Variants in PIGG observed in about 807,000 individuals in gnomAD.
PIGG encodes phosphatidylinositol glycan anchor biosynthesis class G (EMM blood group).
A neutral mutation model predicts 83.2 loss-of-function variants in PIGG; 70 were observed. That is an observed-to-expected ratio of 0.84 (90% CI 0.69 to 1.03). The LOEUF (loss-of-function observed/expected upper bound fraction) is 1.03. Among genes scored for constraint, PIGG ranks in the 50% least tolerant of loss-of-function variants. The pLI is 0.00. For synonymous variants in PIGG, 532 were observed against 519.5 expected (o/e 1.02, Z -0.33); for missense variants, 1,257 against 1,233.6 (o/e 1.02, Z -0.28).
rs1359112430 is a variant in PIGG, at chr4:508,832, A to G, written c.763A>G (p.Arg255Gly). Reference protein sequence around the residue: ...KIHTSLQSKERETPLPNLLVL... With the variant: ...KIHTSLQSKEGETPLPNLLVL... Reference sequence around the variant, plus strand: ...ATGTTTTTCCTTTGCCTTAAAGGAGAGAGAGACGCCTTTACCCAATTTGCT... The same window carrying G: ...ATGTTTTTCCTTTGCCTTAAAGGAGGGAGAGACGCCTTTACCCAATTTGCT... The change falls in exon 5 of 13, where the codon AGA becomes GGA. Residue 255 changes from arginine to glycine, a missense_variant. Physicochemically the swap from Arg to Gly is moderately radical, Grantham distance 125. Coordinates refer to ENST00000453061, the MANE Select transcript of PIGG (RefSeq NM_001127178.3). 2.5e-6 allele frequency: 4 copies of G among 1,613,848 alleles called. No individual in the cohort carries two copies. Among genetic ancestry groups the G allele is most frequent in the Non-Finnish European group, 3.4e-6 (4 of 1,179,792 alleles).
rs1725711857 is a variant in PIGG at position 521,058 on chromosome 4, C to G, written c.1117C>G (p.Pro373Ala). 6.2e-7 allele frequency: 1 copy of G among 1,610,408 alleles called. No individual in the cohort carries two copies. The highest frequency in any genetic ancestry group is 1.7e-5 in the Admixed American group (1 of 59,994). ...QENVPSYEKD[P>A]GFEQFKMSER... ...TAACCTTTCTGTCTTCTTAATAGATCCTGGGTTTGAGCAGTTTAAAATGTC... is the reference window on the plus strand; with the variant it reads ...TAACCTTTCTGTCTTCTTAATAGATGCTGGGTTTGAGCAGTTTAAAATGTC... Residue 373 changes from proline to alanine, a missense_variant and splice_region_variant, in exon 7 of 13, where the codon CCT becomes GCT. Transcript: ENST00000453061.
intron 6 of PIGG, among the ~76,000 whole-genome samples, chr4:520,456 C>T (rs990870036): frequency 3.3e-5 from 5 of 150,866 alleles, no homozygotes; most frequent in South Asian, 2.1e-4. Flanking sequence ...CAGAGCTCAC[C>T]CTTGTGAGCA....
At chr4:518,717 T>C (rs1724766121) in intron 6 of PIGG, among the ~76,000 whole-genome samples, 1 of 152,096 alleles carries the variant, frequency 6.6e-6, no homozygotes, top group Admixed American at 6.5e-5. Flanking sequence ...AACCAGCCTG[T>C]TAAAGGAATG....
chr4:527,435 G>C (rs1577123138), intron 10 of PIGG: 1 of 1,322,674 alleles, frequency 7.6e-7, no homozygotes, highest in African/African-American at 1.5e-5. Flanking sequence ...CAGCTGCGTT[G>C]TTAGCACTTT....
At chr4:523,328 C>T (rs963881480) in intron 8 of PIGG, 131 bp from the exon 9 acceptor site, 15 of 722,522 alleles carry the variant, frequency 2.1e-5, no homozygotes, top group Non-Finnish European at 2.9e-5. Flanking sequence ...AGAGTAGGGG[C>T]CCAGGTGCTG....
At chr4:523,293 CG>C (rs1167273642) in intron 8 of PIGG, among the ~76,000 whole-genome samples, 165 bp from the exon 9 acceptor site, 2 of 152,142 alleles carry the variant, frequency 1.3e-5, no homozygotes, top group Non-Finnish European at 2.9e-5. Flanking sequence ...AGGTTCCTGC[CG>C]TTGGAGCAGA....
At chr4:530,115 G>T (rs1728652986) in intron 10 of PIGG, among the ~76,000 whole-genome samples, 1 of 152,142 alleles carries the variant, frequency 6.6e-6, no homozygotes, top group Non-Finnish European at 1.5e-5. Context: ...AAAGCAGGCG[G>T]GCCACGAGGG....
At chr4:523,194 T>C (rs987832947) in intron 8 of PIGG, among the ~76,000 whole-genome samples, 13 of 152,108 alleles carry the variant, frequency 8.5e-5, no homozygotes, top group African/African-American at 2.7e-4. Context: ...TGGAGTCCAG[T>C]GTGAGAACAG....
rs782631230 is a variant in PIGG, at chr4:499,486, G to T, written c.151G>T (p.Ala51Ser). Reference protein sequence around the residue: ...GAEPPAPEPSAGASSNWTTLP... With the variant: ...GAEPPAPEPSSGASSNWTTLP... Reference sequence around the variant, plus strand: ...GGAGCCCCCAGCGCCCGAACCCTCGGCTGGTACGGACCCCTCCCCGGCGTC... The same window carrying T: ...GGAGCCCCCAGCGCCCGAACCCTCGTCTGGTACGGACCCCTCCCCGGCGTC... The change falls in exon 1 of 13, where the codon GCT becomes TCT. Residue 51 changes from alanine to serine, a missense_variant. Physicochemically the swap from Ala to Ser is moderately conservative, Grantham distance 99 (BLOSUM62 1). Transcript: ENST00000453061. 2.1e-5 allele frequency: 33 copies of T among 1,595,842 alleles called. No homozygotes were observed. The highest frequency in any genetic ancestry group is 2.7e-5 in the Non-Finnish European group (32 of 1,177,946).
At chr4:529,008 G>A (rs1728382386) in intron 10 of PIGG, among the ~76,000 whole-genome samples, 1 of 152,186 alleles carries the variant, frequency 6.6e-6, no homozygotes, top group African/African-American at 2.4e-5. Flanking sequence ...TCCACTGAGA[G>A]TCTGAAATCC....
At chr4:521,321 A>T in intron 7 of PIGG, 48 bp downstream of exon 7, 8 of 1,209,132 alleles carry the variant, frequency 6.6e-6, no homozygotes, top group East Asian at 2.4e-5. Flanking sequence ...TTGATTTGAT[A>T]ACTCAGCCAA....
chr4:499,835 T>G (rs1716925262), intron 1 of PIGG: 2 of 699,786 alleles, frequency 2.9e-6, no homozygotes, highest in Non-Finnish European at 1.9e-6. Flanking sequence ...GCGCCCTTTT[T>G]GCCCCCTAGC....
intron 5 of PIGG, among the ~76,000 whole-genome samples, chr4:511,383 A>G (rs1553883351): frequency 6.6e-6 from 1 of 151,418 alleles, no homozygotes; most frequent in African/African-American, 2.4e-5. Context: ...TTCATTGACC[A>G]TTCTTGAGCT....
At chr4:510,168 C>G (rs1350795936) in intron 5 of PIGG, among the ~76,000 whole-genome samples, 1 of 152,114 alleles carries the variant, frequency 6.6e-6, no homozygotes, top group African/African-American at 2.4e-5. Flanking sequence ...AGCTGACAGC[C>G]CTGAAGAGAG....
chr4:525,065 C>A, intron 9 of PIGG: 1 of 330,952 alleles, frequency 3.0e-6, no homozygotes, highest in Non-Finnish European at 4.3e-6. Context: ...GCAAGAAGGA[C>A]GGGGTCAGCC....
rs112579262 is a variant in PIGG, at chr4:512,265, G to A, written c.901+3295G>A. Among the ~76,000 whole-genome samples the A allele has an allele frequency of 2.2e-3, 310 of 144,144 alleles. 2 individuals are homozygous for A. Among genetic ancestry groups the A allele is most frequent in the African/African-American group, 8.0e-3 (304 of 37,948 alleles). 94.6% of individuals were successfully genotyped at this position (144,144 alleles called of 152,430 possible). A position where few individuals can be genotyped will look rare whatever the true frequency, so the allele number is the denominator to read the frequency against. ...GATGGAGTCTTGCTCTGTCACCCAG[G>A]CTGGAGTGCAGTGACACGATCTCGG... On this transcript the variant is annotated intron_variant, in intron 5 of 12. Transcript: ENST00000453061.
intron 6 of PIGG, among the ~76,000 whole-genome samples, chr4:520,472 G>A (rs930615896): frequency 1.4e-5 from 2 of 144,842 alleles, no homozygotes; most frequent in Admixed American, 1.3e-4. Context: ...GAGCAGAGAG[G>A]GCTGGAAGCT....
rs187352284 is a variant in PIGG at position 535,074 on chromosome 4, G to A, written c.2735+1093G>A. Among the ~76,000 whole-genome samples the A allele has an allele frequency of 8.5e-5, 13 of 152,332 alleles. No homozygotes were observed. The East Asian group carries it at 2.3e-3, about 27-fold the overall frequency. On this transcript the variant is annotated intron_variant, in intron 12 of 12. Coordinates refer to ENST00000453061, the MANE Select transcript of PIGG (RefSeq NM_001127178.3). ...AAGAAAGGAGGCTTTGTGAGGCAGG[G>A]GCTTCACCCGCTCTGTTCACCATAG... is the stretch of plus-strand genomic sequence containing the variant.
At chr4:504,146 C>A (rs1405853632) in intron 2 of PIGG, among the ~76,000 whole-genome samples, 15 of 152,152 alleles carry the variant, frequency 9.9e-5, no homozygotes, top group Admixed American at 9.8e-4. Flanking sequence ...CAGTCTGTCT[C>A]CCCGGGAGCG....
Sources: allele counts gnomAD v4.1 joint callset (sites outside exome capture counted in the v4.1 genomes callset), GRCh38; gene constraint gnomAD v4.1.1; transcripts MANE v1.5; gene names NCBI Gene and HGNC (gene_info 2026-07-23, HGNC 2026-07-21).